TENM4: variants seen among roughly 807,000 people sequenced by gnomAD.
TENM4 encodes the protein teneurin-4.
Under a neutral mutation model 243.3 loss-of-function variants are expected in TENM4, and 82 were observed. The ratio of observed to expected loss-of-function variants is 0.34; its 90% CI spans 0.28 to 0.40. TENM4 has a LOEUF of 0.40. Ranked by LOEUF, TENM4 falls within the 10% of genes least tolerant of loss-of-function variation. The probability of loss-of-function intolerance (pLI) is 1.00; values close to 1 mark genes in which losing one functional copy is unlikely to be tolerated. For synonymous variants in TENM4, 1,412 were observed against 1,456.3 expected, an observed-to-expected ratio of 0.97 and a Z score of 0.69; for missense variants, 3,138 against 3,673.3, an observed-to-expected ratio of 0.85 and a Z score of 3.77.
At chr11:78,765,644 A>G (rs1306058677) in intron 18 of TENM4, among the ~76,000 whole-genome samples, 1 of 152,232 alleles carries the variant, frequency 6.6e-6, no homozygotes, top group Non-Finnish European at 1.5e-5. Flanking sequence ...TTTAAAAAGC[A>G]TAGGTTCCAA....
chr11:79,405,280 T>C (rs988039447), intron 1 of TENM4, among the ~76,000 whole-genome samples: 8 of 152,098 alleles, frequency 5.3e-5, no homozygotes, highest in Non-Finnish European at 8.8e-5. Flanking sequence ...CACTTACTGC[T>C]CACAGCAACC....
At chr11:79,191,602 G>C in intron 3 of TENM4, 1 of 175,224 alleles carries the variant, frequency 5.7e-6, no homozygotes, top group Non-Finnish European at 1.2e-5. Context: ...TCTGGGATGT[G>C]AGGAGCCCCT....
chr11:78,732,026 A>G (rs1331379316), intron 21 of TENM4, among the ~76,000 whole-genome samples: 1 of 152,240 alleles, frequency 6.6e-6, no homozygotes, highest in Non-Finnish European at 1.5e-5. Context: ...GAAAGTAGGC[A>G]GAAGTGAACT....
At chr11:78,668,062 G>A (rs1016386720) in intron 32 of TENM4, among the ~76,000 whole-genome samples, 1 of 152,110 alleles carries the variant, frequency 6.6e-6, no homozygotes, top group South Asian at 2.1e-4. Flanking sequence ...TTCAAGTTAG[G>A]GGGTAAAGGA....
intron 6 of TENM4, among the ~76,000 whole-genome samples, chr11:78,951,184 C>A (rs1006165421): frequency 1.5e-4 from 23 of 152,222 alleles, no homozygotes; most frequent in Admixed American, 2.6e-4. Flanking sequence ...CTTGCCTTGT[C>A]CCCCTGTCTG....
intron 2 of TENM4, among the ~76,000 whole-genome samples, chr11:79,240,218 C>T (rs907991663): frequency 3.3e-5 from 5 of 152,062 alleles, no homozygotes; most frequent in Non-Finnish European, 4.4e-5. Flanking sequence ...GACTGCTGCC[C>T]ATAGAATTTA....
intron 14 of TENM4, among the ~76,000 whole-genome samples, chr11:78,807,395 AG>A (rs1468422813): frequency 1.3e-5 from 2 of 152,204 alleles, no homozygotes; most frequent in Non-Finnish European, 2.9e-5. Context: ...TATTTCTATC[AG>A]GGGCTGACTT....
At chr11:78,910,233 G>A (rs1222005877) in intron 6 of TENM4, among the ~76,000 whole-genome samples, 7 of 152,180 alleles carry the variant, frequency 4.6e-5, no homozygotes, top group Admixed American at 2.6e-4. Context: ...TCCTTGCTAC[G>A]GAGCTAATGA....
intron 6 of TENM4, among the ~76,000 whole-genome samples, chr11:78,997,362 C>A (rs1858201685): frequency 1.3e-5 from 2 of 152,212 alleles, no homozygotes; most frequent in South Asian, 4.1e-4. Flanking sequence ...GAAGATAATA[C>A]TCTGATTTGA....
intron 6 of TENM4, among the ~76,000 whole-genome samples, chr11:78,950,812 A>G (rs562129802): frequency 1.3e-5 from 2 of 152,250 alleles, no homozygotes; most frequent in Non-Finnish European, 2.9e-5. Flanking sequence ...AGCATTTGCT[A>G]AAGATCACAG....
intron 3 of TENM4, among the ~76,000 whole-genome samples, chr11:79,174,449 G>GA (rs1210870615): frequency 1.3e-5 from 2 of 151,964 alleles, no homozygotes; most frequent in African/African-American, 4.8e-5. Context: ...GATTTAAAAT[G>GA]AAAAAATCGA....
In TENM4 at chr11:78,903,481, G is replaced by A. The variant is rs1330613710; in HGVS notation, c.536C>T (p.Pro179Leu). 6.5e-7 allele frequency: 1 copy of A among 1,547,578 alleles called. No individual in the cohort carries two copies. The highest frequency in any genetic ancestry group is 2.0e-5 in the Admixed American group (1 of 50,746). Residue 179 changes from proline (P) to leucine (L), a missense_variant, in exon 7 of 34, where the codon CCG becomes CTG. By Grantham distance (98) the Pro-to-Leu change is moderately conservative. Transcript: ENST00000278550. ...GTGGGCGTGCGAGAGCGGCGGCGGCGGCGTCCGGAGCCGCGCGTGGTTCTG... is the reference window on the plus strand; with the variant it reads ...GTGGGCGTGCGAGAGCGGCGGCGGCAGCGTCCGGAGCCGCGCGTGGTTCTG... ...GLQNHARLRT[P>L]PPPLSHAHTP...
chr11:78,985,615 GTTTAT>G (rs969490461), intron 6 of TENM4, among the ~76,000 whole-genome samples: 1 of 151,974 alleles, frequency 6.6e-6, no homozygotes, highest in African/African-American at 2.4e-5. Context: ...TTTTTGTGTT[GTTTAT>G]TTTATCTATT....
At chr11:79,237,549 C>T (rs1219276300) in intron 2 of TENM4, among the ~76,000 whole-genome samples, 2 of 152,126 alleles carry the variant, frequency 1.3e-5, no homozygotes, top group East Asian at 1.9e-4. Flanking sequence ...TGGTGGCAGG[C>T]ACCTATAATC....
At chr11:79,258,396 G>A (rs1340035207) in intron 2 of TENM4, among the ~76,000 whole-genome samples, 1 of 152,166 alleles carries the variant, frequency 6.6e-6, no homozygotes, top group East Asian at 1.9e-4. Flanking sequence ...AAGCTAGTAG[G>A]CAGTGGGGCC....
intron 1 of TENM4, among the ~76,000 whole-genome samples, chr11:79,419,416 C>T (rs541376067): frequency 6.6e-6 from 1 of 152,302 alleles, no homozygotes; most frequent in East Asian, 1.9e-4. Context: ...GCACCCTTAG[C>T]ACCCACGGCA....
intron 2 of TENM4, among the ~76,000 whole-genome samples, chr11:79,225,681 A>G (rs1252921130): frequency 2.0e-5 from 3 of 152,056 alleles, no homozygotes; most frequent in African/African-American, 7.2e-5. Flanking sequence ...GTCTTGCCAC[A>G]TTGCCCAGAC....
In TENM4 at chr11:79,188,612, G is replaced by A. The variant is rs936559062; in HGVS notation, c.-163+27196C>T. Among the ~76,000 whole-genome samples, 21 of 151,594 alleles carry A rather than the reference G, an allele frequency of 1.4e-4. 1 individual carries two copies. Among genetic ancestry groups the A allele is most frequent in the Non-Finnish European group, 2.9e-5 (2 of 67,944 alleles). ...GGAGTCAATGGAGGAGAAAAGCAAA[G>A]AAGAAGGAAGGGAAGAATAAAGGAG... On this transcript the variant is annotated intron_variant, in intron 3 of 33. Transcript: ENST00000278550.
In TENM4 at chr11:78,854,152, T is replaced by G; in HGVS notation, c.1633A>C (p.Asn545His). The G allele has an allele frequency of 6.4e-7, 1 of 1,551,636 alleles. No individual in the cohort carries two copies. The highest frequency in any genetic ancestry group is 8.7e-7 in the Non-Finnish European group (1 of 1,146,962). ...DSGIWHLAFYNDGKESEVVSF... is the reference protein window; with the variant it reads ...DSGIWHLAFYHDGKESEVVSF... ...ACCACTTCTGACTCCTTTCCGTCAT[T>G]GTAAAAAGCCAAGTGCCAGATTCCT... The change falls in exon 12 of 34, where the codon AAT becomes CAT. Residue 545 changes from asparagine (N) to histidine (H), a missense_variant. By Grantham distance (68) the Asn-to-His change is moderately conservative (BLOSUM62 1). This residue lies in a region of TENM4 where 2,467 missense variants were observed against 3,059.1 expected (regional missense o/e 0.81). Transcript: ENST00000278550.
Sources: allele counts gnomAD v4.1 joint callset (sites outside exome capture counted in the v4.1 genomes callset), GRCh38; gene constraint gnomAD v4.1.1; regional missense constraint gnomAD v4.1.1; transcripts MANE v1.5; gene names NCBI Gene and HGNC (gene_info 2026-07-23, HGNC 2026-07-21).